DNAH3: variants seen among roughly 807,000 people sequenced by gnomAD.
DNAH3 encodes axonemal beta dynein heavy chain 3.
A neutral mutation model predicts 432.5 loss-of-function variants in DNAH3; 332 were observed. The ratio of observed to expected loss-of-function variants is 0.77; its 90% CI spans 0.70 to 0.84. DNAH3 has a LOEUF of 0.84. Among genes scored for constraint, DNAH3 ranks in the 40% least tolerant of loss-of-function variants. The probability of loss-of-function intolerance (pLI) is 0.00; values close to 1 mark genes in which losing one functional copy is unlikely to be tolerated. For missense variants in DNAH3, 4,861 were observed against 5,114.0 expected, an observed-to-expected ratio of 0.95 and a Z score of 1.51; for synonymous variants, 1,956 against 1,900.2, an observed-to-expected ratio of 1.03 and a Z score of -0.76.
intron 6 of DNAH3, 125 bp downstream of exon 7, chr16:21,136,199 A>T: frequency 1.1e-6 from 1 of 885,890 alleles, no homozygotes; most frequent in Non-Finnish European, 1.7e-6. Context: ...GGATTGCTTG[A>T]GCCCAGGAGT....
intron 59 of DNAH3, among the ~76,000 whole-genome samples, chr16:20,940,427 T>G (rs147239631): frequency 1.6e-4 from 25 of 152,004 alleles, no homozygotes; most frequent in East Asian, 9.7e-4. Flanking sequence ...AAAAGACTAT[T>G]GTGTAATTTT....
Position 21,049,559 on chromosome 16 carries a change from G to T in DNAH3, c.4461+10C>A, listed in dbSNP as rs368130404. 6.2e-5 allele frequency: 100 copies of T among 1,612,016 alleles called. No individual in the cohort carries two copies. Among genetic ancestry groups the T allele is most frequent in the Non-Finnish European group, 8.1e-5 (95 of 1,178,290 alleles). On this transcript the variant is annotated intron_variant, in intron 31 of 61. Transcript: ENST00000261383. ...AGCTTCTTTGTTCTGCAGCCTAGAG[G>T]CAGAGTTACCTCGATCCTGTTGAAC...
chr16:20,957,808 C>CAAAAAAAAAAAAAAAAAAA (rs762197650), intron 54 of DNAH3, among the ~76,000 whole-genome samples: 8 of 53,282 alleles, frequency 1.5e-4, no homozygotes, highest in Non-Finnish European at 1.9e-4. Context: ...ACTCCATCTC[C>CAAAAAAAAAAAAAAAAAAA]AAAAAAAAAA....
At chr16:21,041,636 C>G (rs893233656) in intron 32 of DNAH3, among the ~76,000 whole-genome samples, 1 of 152,116 alleles carries the variant, frequency 6.6e-6, no homozygotes, top group Non-Finnish European at 1.5e-5. Context: ...AATAAATTTA[C>G]CCCCAGGTAG....
chr16:21,006,647 T>G (rs2087317707), intron 41 of DNAH3, among the ~76,000 whole-genome samples: 1 of 152,200 alleles, frequency 6.6e-6, no homozygotes, highest in Non-Finnish European at 1.5e-5. Flanking sequence ...ATATAATATG[T>G]GTTCTTTTGC....
intron 26 of DNAH3, 62 bp from the exon 27 acceptor site, chr16:21,058,258 G>A (rs1026698656): frequency 8.0e-6 from 8 of 1,005,592 alleles, no homozygotes; most frequent in South Asian, 1.4e-5. Flanking sequence ...CTGAGTTTAC[G>A]AAAACATGCC....
chr16:20,998,679 T>C (rs2152688706), intron 43 of DNAH3, among the ~76,000 whole-genome samples: 1 of 131,270 alleles, frequency 7.6e-6, no homozygotes, highest in East Asian at 2.4e-4. Context: ...CTCAATGAAA[T>C]GGGGGCTCTT....
intron 32 of DNAH3, 147 bp downstream of exon 32, chr16:21,041,880 A>C: frequency 1.2e-6 from 1 of 850,404 alleles, no homozygotes. Context: ...ACCACATTGG[A>C]CAGGCTGATC....
intron 14 of DNAH3, among the ~76,000 whole-genome samples, chr16:21,108,672 G>A (rs2092001146): frequency 6.6e-6 from 1 of 152,204 alleles, no homozygotes; most frequent in Non-Finnish European, 1.5e-5. Flanking sequence ...GAGCCCAGGA[G>A]GTCGAGGCTG....
intron 41 of DNAH3, among the ~76,000 whole-genome samples, chr16:21,008,914 T>G (rs2087450086): frequency 6.6e-6 from 1 of 152,228 alleles, no homozygotes; most frequent in Non-Finnish European, 1.5e-5. Context: ...AAAAAACGTT[T>G]GTTGTTGCTG....
At chr16:20,988,753 G>C (rs545784069) in intron 44 of DNAH3, among the ~76,000 whole-genome samples, 12 of 152,350 alleles carry the variant, frequency 7.9e-5, no homozygotes, top group African/African-American at 2.9e-4. Context: ...ATGAAGCCGC[G>C]ACCCCTCGCG....
At chr16:21,108,573 T>C (rs1374933097) in intron 14 of DNAH3, among the ~76,000 whole-genome samples, 1 of 151,920 alleles carries the variant, frequency 6.6e-6, no homozygotes, top group Non-Finnish European at 1.5e-5. Context: ...CAAAACTCCA[T>C]CACTACAAAA....
At chr16:20,939,070 CTGTCCTTTATAGAA>C (rs2083705981) in intron 59 of DNAH3, among the ~76,000 whole-genome samples, 1 of 152,096 alleles carries the variant, frequency 6.6e-6, no homozygotes, top group African/African-American at 2.4e-5. Context: ...ACCTGGCTTG[CTGTCCTTTATAGAA>C]TGCCCAGTGG....
At chr16:21,093,549 T>A (rs2091596086) in intron 18 of DNAH3, among the ~76,000 whole-genome samples, 1 of 152,188 alleles carries the variant, frequency 6.6e-6, no homozygotes, top group African/African-American at 2.4e-5. Flanking sequence ...CCCAGCAGAG[T>A]TTTTTGGTAT....
At chr16:21,089,108 AAC>A (rs781071816) in intron 18 of DNAH3, among the ~76,000 whole-genome samples, 6 of 152,212 alleles carry the variant, frequency 3.9e-5, no homozygotes, top group Admixed American at 6.5e-5. Context: ...GGCTTGTTAA[AAC>A]ACAGATTTCT....
chr16:20,995,202 T>C (rs1033999628), intron 44 of DNAH3, among the ~76,000 whole-genome samples: 3 of 152,108 alleles, frequency 2.0e-5, no homozygotes, highest in Admixed American at 1.3e-4. Flanking sequence ...CGCTTTGGCA[T>C]CCCAAAATGC....
At chr16:21,012,711 C>G (rs2172436) in intron 41 of DNAH3, among the ~76,000 whole-genome samples, 1 of 152,120 alleles carries the variant, frequency 6.6e-6, no homozygotes, top group Non-Finnish European at 1.5e-5. Context: ...CTTAAGCTCA[C>G]GTGAAACATT....
chr16:20,969,792 C>T (rs752102149), exon 52 of DNAH3: 16 of 1,613,926 alleles, frequency 9.9e-6, no homozygotes, highest in Middle Eastern at 1.6e-4. Context: ...TGGCACTTAC[C>T]GGAGCCACTG....
intron 36 of DNAH3, among the ~76,000 whole-genome samples, chr16:21,032,688 C>T (rs1349239758): frequency 6.6e-6 from 1 of 152,132 alleles, no homozygotes; most frequent in East Asian, 1.9e-4. Flanking sequence ...TGGTGCATGC[C>T]TATGATCCCA....
Sources: allele counts gnomAD v4.1 joint callset (sites outside exome capture counted in the v4.1 genomes callset), GRCh38; gene constraint gnomAD v4.1.1; transcripts MANE v1.5; gene names NCBI Gene and HGNC (gene_info 2026-07-23, HGNC 2026-07-21).